UBLCP1: variants seen among roughly 807,000 people sequenced by gnomAD.
UBLCP1 encodes ubiquitin-like domain-containing CTD phosphatase 1.
Under a neutral mutation model 42.4 loss-of-function variants are expected in UBLCP1, and 28 were observed. The ratio of observed to expected loss-of-function variants is 0.66; its 90% confidence interval spans 0.49 to 0.90. The LOEUF is 0.90. Among genes scored for constraint, UBLCP1 ranks in the 40% least tolerant of loss-of-function variants. The pLI, the probability that UBLCP1 is intolerant of heterozygous loss-of-function variation, is 0.00. For synonymous variants in UBLCP1, 122 were observed against 120.8 expected, an observed-to-expected ratio of 1.01 and a Z score of -0.07; for missense variants, 279 against 374.5, an observed-to-expected ratio of 0.75 and a Z score of 2.10.
intron 2 of UBLCP1, 110 bp downstream of exon 2, chr5:159,269,179 TAGTA>T (rs1228360046): frequency 1.3e-6 from 1 of 798,122 alleles, no homozygotes; most frequent in Non-Finnish European, 1.8e-6. Context: ...ATTTGTAGTT[TAGTA>T]AGTCTCTCCC....
intron 8 of UBLCP1, among the ~76,000 whole-genome samples, chr5:159,276,275 A>G (rs146974582): frequency 0.017 from 2,588 of 152,254 alleles, 51 homozygotes; most frequent in Admixed American, 0.051. Context: ...GTGACAGAGC[A>G]AGATTCTGTC....
At chr5:159,265,306 C>A (rs895915821) in intron 1 of UBLCP1, among the ~76,000 whole-genome samples, 21 of 152,164 alleles carry the variant, frequency 1.4e-4, no homozygotes, top group Non-Finnish European at 2.9e-4. Context: ...ATGAAGAGTG[C>A]AATCAAATGT....
chr5:159,283,518 A>G (rs1753632088), intron 10 of UBLCP1, among the ~76,000 whole-genome samples, 179 bp downstream of exon 10: 1 of 152,044 alleles, frequency 6.6e-6, no homozygotes, highest in Non-Finnish European at 1.5e-5. Flanking sequence ...TTTCATCTTA[A>G]CCTCTAACTT....
At chr5:159,283,168 CTTATCACA>C in intron 9 of UBLCP1, 36 bp from the exon 10 acceptor site, 1 of 1,561,714 alleles carries the variant, frequency 6.4e-7, no homozygotes, top group Non-Finnish European at 8.6e-7. Context: ...GTTAGTTTTC[CTTATCACA>C]TTGTGATGTG....
Position 159,285,297 on chromosome 5 carries a change from G to C in UBLCP1, c.*366G>C, listed in dbSNP as rs185389440. On this transcript the variant is annotated 3_prime_UTR_variant, in exon 11 of 11. Coordinates refer to ENST00000296786, the MANE Select transcript of UBLCP1 (RefSeq NM_145049.5). ...TGTCATTTTGTGACTTTGGAAACAA[G>C]TTATGTTTTGTGTTTTTGTCTCATT... is the stretch of plus-strand genomic sequence containing the variant. 1.6e-3 allele frequency: 250 copies of C among 156,592 alleles called. 2 individuals carry two copies. Among genetic ancestry groups the C allele is most frequent in the African/African-American group, 6.6e-3 (243 of 37,056 alleles). 9.7% of individuals were successfully genotyped at this position (156,592 alleles called of 1,614,324 possible).
At chr5:159,280,166 G>T (rs1049275000) in intron 9 of UBLCP1, among the ~76,000 whole-genome samples, 2 of 152,070 alleles carry the variant, frequency 1.3e-5, no homozygotes, top group Non-Finnish European at 2.9e-5. Flanking sequence ...CACTCCACAG[G>T]CTGTCCTTGT....
rs1562099859 is a variant in UBLCP1, at chr5:159,274,628, T to C, written c.585+6T>C. The C allele has an allele frequency of 1.9e-6, 3 of 1,608,440 alleles. No homozygotes were observed. Among genetic ancestry groups the C allele is most frequent in the Non-Finnish European group, 1.7e-6 (2 of 1,177,044 alleles). ...GGATTGAAGCTAAAATGAAAGTAAG[T>C]GTTAGAAAGCAATCCATTTAAAAAT... is the stretch of plus-strand genomic sequence containing the variant. On this transcript the variant is annotated splice_donor_region_variant and intron_variant, in intron 7 of 10. Transcript: ENST00000296786.
intron 9 of UBLCP1, among the ~76,000 whole-genome samples, chr5:159,282,344 T>G (rs1028381749): frequency 6.6e-6 from 1 of 152,130 alleles, no homozygotes; most frequent in Non-Finnish European, 1.5e-5. Flanking sequence ...GTAAAAAATT[T>G]TATTCCACTA....
rs937962383 is a variant in UBLCP1 at position 159,276,851 on chromosome 5, G to A, written c.685-1387G>A. Among the ~76,000 whole-genome samples, 9 of 152,280 alleles carry A rather than the reference G, an allele frequency of 5.9e-5. No individual in the cohort carries two copies. The East Asian group carries it at 1.5e-3, about 26-fold the overall frequency. On this transcript the variant is annotated intron_variant, in intron 8 of 10. Transcript: ENST00000296786. ...AAAAATGCCTGGAGTCAATGTATCA[G>A]AATATTGAGTTGTTGCCCTTGGTAC... is the stretch of plus-strand genomic sequence containing the variant.
chr5:159,275,647 C>T (rs899905234), intron 8 of UBLCP1, among the ~76,000 whole-genome samples: 42 of 152,124 alleles, frequency 2.8e-4, no homozygotes, highest in Admixed American at 7.9e-4. Flanking sequence ...CTCCTGACCT[C>T]GTGATCCGCC....
intron 9 of UBLCP1, 41 bp from the exon 10 acceptor site, chr5:159,283,171 A>T: frequency 6.4e-7 from 1 of 1,568,432 alleles, no homozygotes; most frequent in Non-Finnish European, 8.6e-7. Flanking sequence ...AGTTTTCCTT[A>T]TCACATTGTG....
intron 8 of UBLCP1, 66 bp downstream of exon 8, chr5:159,275,312 A>G (rs1753520921): frequency 1.6e-6 from 2 of 1,244,422 alleles, no homozygotes; most frequent in Non-Finnish European, 2.3e-6. Context: ...TTTTATGTTT[A>G]TACCTATGGA....
chr5:159,266,669 G>A (rs1187823840), intron 1 of UBLCP1, among the ~76,000 whole-genome samples: 1 of 152,166 alleles, frequency 6.6e-6, no homozygotes, highest in Non-Finnish European at 1.5e-5. Context: ...GGAGGCCCAG[G>A]AAGGAAAAAA....
intron 10 of UBLCP1, among the ~76,000 whole-genome samples, chr5:159,283,939 G>C (rs1753637788): frequency 6.6e-6 from 1 of 152,046 alleles, no homozygotes; most frequent in African/African-American, 2.4e-5. Flanking sequence ...TTTTGAGACA[G>C]AGAAAAGTCC....
chr5:159,278,155 C>A, intron 8 of UBLCP1, 83 bp from the exon 9 acceptor site: 1 of 904,916 alleles, frequency 1.1e-6, no homozygotes, highest in Non-Finnish European at 1.8e-6. Context: ...CATTGTTCTG[C>A]AGGGCAGTTT....
intron 6 of UBLCP1, among the ~76,000 whole-genome samples, chr5:159,273,027 G>T (rs567757618): frequency 1.3e-5 from 2 of 152,318 alleles, no homozygotes; most frequent in East Asian, 1.9e-4. Flanking sequence ...ACATTTCATT[G>T]TACTAGGTCT....
chr5:159,276,188 T>C (rs1010696752), intron 8 of UBLCP1, among the ~76,000 whole-genome samples: 1 of 152,168 alleles, frequency 6.6e-6, no homozygotes, highest in Non-Finnish European at 1.5e-5. Context: ...CTCAGGAGGC[T>C]GAGGCAGGAG....
intron 10 of UBLCP1, among the ~76,000 whole-genome samples, chr5:159,284,218 T>TAG (rs1227648007): frequency 1.3e-5 from 2 of 152,182 alleles, no homozygotes; most frequent in Non-Finnish European, 2.9e-5. Flanking sequence ...AGTAAATACT[T>TAG]AGTGCAGTGC....
In UBLCP1 at chr5:159,268,899, C is replaced by T; in HGVS notation, c.-17C>T. ...TTTTTTTTCTGAAGGAAAGCTGCTT[C>T]CTCATATGTTTCAAGAATGGCTCTC... On this transcript the variant is annotated 5_prime_UTR_variant, in exon 2 of 11. Transcript: ENST00000296786. The T allele has an allele frequency of 6.3e-7, 1 of 1,599,792 alleles. No individual in the cohort carries two copies. Among genetic ancestry groups the T allele is most frequent in the East Asian group, 2.3e-5 (1 of 44,442 alleles).
Sources: gnomAD v4.1 joint callset for allele counts (sites outside exome capture counted in the v4.1 genomes callset) on GRCh38, gnomAD v4.1.1 for gene constraint, MANE v1.5 for transcripts, NCBI Gene and HGNC (gene_info 2026-07-23, HGNC 2026-07-21) for gene names.